The following GTF2I variants were observed in gnomAD, a reference collection of about 807,000 sequenced individuals.
The protein encoded by GTF2I is general transcription factor II-I.
A neutral mutation model predicts 67.6 loss-of-function variants in GTF2I; 12 were observed. That is an observed-to-expected ratio of 0.18 (90% CI 0.11 to 0.29). The LOEUF is 0.29. Ranked by LOEUF, GTF2I falls within the 10% of genes least tolerant of loss-of-function variation. The pLI, the probability that GTF2I is intolerant of heterozygous loss-of-function variation, is 1.00. For missense variants in GTF2I, 271 were observed against 580.1 expected (o/e 0.47, Z 5.47); for synonymous variants, 149 against 197.0 (o/e 0.76, Z 2.04).
intron 8 of GTF2I, among the ~76,000 whole-genome samples, chr7:74,709,503 C>T (rs1366400783): frequency 4.6e-5 from 7 of 151,816 alleles, no homozygotes; most frequent in African/African-American, 1.5e-4. Context: ...GGTAATCATC[C>T]GCCTCAGCCT....
At chr7:74,659,325 T>A (rs965775104) in intron 1 of GTF2I, among the ~76,000 whole-genome samples, 1 of 152,036 alleles carries the variant, frequency 6.6e-6, no homozygotes, top group Non-Finnish European at 1.5e-5. Flanking sequence ...ACACCTGGGC[T>A]CCAGCGATCC....
chr7:74,721,143 G>A (rs1310691430), intron 12 of GTF2I, among the ~76,000 whole-genome samples: 1 of 152,226 alleles, frequency 6.6e-6, no homozygotes, highest in Non-Finnish European at 1.5e-5. Context: ...GCAGGTTCAA[G>A]CGATTCTCCT....
At chr7:74,682,931 A>G (rs1562946828) in intron 1 of GTF2I, among the ~76,000 whole-genome samples, 1 of 152,206 alleles carries the variant, frequency 6.6e-6, no homozygotes. Flanking sequence ...CAGAATAAAA[A>G]GATGAAGAAG....
chr7:74,691,174 G>T, intron 3 of GTF2I, 63 bp downstream of exon 3: 3 of 1,117,634 alleles, frequency 2.7e-6, no homozygotes, highest in South Asian at 1.4e-5. Flanking sequence ...TTGTAGGTAA[G>T]ACAAGTTATA....
intron 12 of GTF2I, among the ~76,000 whole-genome samples, chr7:74,724,479 C>T (rs1413951852): frequency 2.6e-5 from 4 of 152,018 alleles, no homozygotes; most frequent in South Asian, 2.1e-4. Context: ...TAGGTGTATT[C>T]GTTAATATGT....
At chr7:74,705,784 G>A (rs1017651482) in intron 7 of GTF2I, among the ~76,000 whole-genome samples, 2 of 151,944 alleles carry the variant, frequency 1.3e-5, no homozygotes, top group African/African-American at 4.8e-5. Flanking sequence ...GGCTGGTCTC[G>A]AACTCCTGAC....
chr7:74,706,249 T>C (rs1790665904), intron 7 of GTF2I, 141 bp from the exon 8 acceptor site: 1 of 669,248 alleles, frequency 1.5e-6, no homozygotes, highest in East Asian at 2.5e-5. Context: ...TAAATAAATA[T>C]GTCAGTTTTA....
At chr7:74,682,934 TGAA>T (rs1347309284) in intron 1 of GTF2I, among the ~76,000 whole-genome samples, 1 of 151,778 alleles carries the variant, frequency 6.6e-6, no homozygotes, top group Non-Finnish European at 1.5e-5. Flanking sequence ...AATAAAAAGA[TGAA>T]GAAGGAGTTA....
At chr7:74,688,005 A>C (rs782075118) in intron 1 of GTF2I, among the ~76,000 whole-genome samples, 1 of 152,116 alleles carries the variant, frequency 6.6e-6, no homozygotes, top group Non-Finnish European at 1.5e-5. Flanking sequence ...TCAGTTTTAG[A>C]AATTTGCTTT....
In GTF2I at chr7:74,699,017, G is replaced by A; in HGVS notation, c.295G>A (p.Ala99Thr). 6.5e-7 allele frequency: 1 copy of A among 1,542,100 alleles called. No homozygotes were observed. The highest frequency in any genetic ancestry group is 8.8e-7 in the Non-Finnish European group (1 of 1,138,086). The stretch of plus-strand genomic sequence containing the variant: ...GCATAAAATGAAATCTACAACCCAG[G>A]CAAATCGGATGAGTGTAGATGCTGT... Reference protein sequence around the residue: ...EMHKMKSTTQANRMSVDAVEI... With the variant: ...EMHKMKSTTQTNRMSVDAVEI... The change falls in exon 4 of 35, where the codon GCA becomes ACA. Residue 99 changes from alanine (A) to threonine (T), a missense_variant. Physicochemically the swap from Ala to Thr is moderately conservative, Grantham distance 58 (BLOSUM62 0). Coordinates refer to ENST00000573035, the MANE Select transcript of GTF2I (RefSeq NM_032999.4).
At position 74,725,793 on chromosome 7, in the gene GTF2I, C is replaced by T. The variant is rs810365; in HGVS notation, c.944-2993C>T. 1.2e-3 allele frequency among the ~76,000 whole-genome samples: 186 copies of T among 151,350 alleles called. 2 individuals are homozygous for T. Among genetic ancestry groups the T allele is most frequent in the Non-Finnish European group, 1.4e-3 (92 of 67,912 alleles). ...TATCCCTGATATTTTCAATATTTTA[C>T]AGTCTTTGTTGTATTAAAAAAGCAC... On this transcript the variant is annotated intron_variant, in intron 12 of 34. Transcript: ENST00000573035.
chr7:74,664,371 G>A (rs1448971396), intron 1 of GTF2I, among the ~76,000 whole-genome samples: 2 of 152,164 alleles, frequency 1.3e-5, no homozygotes, highest in African/African-American at 4.8e-5. Context: ...AGAAAGTTCA[G>A]TATAGCCAGG....
At chr7:74,731,975 G>A (rs1262033399) in intron 14 of GTF2I, among the ~76,000 whole-genome samples, 1 of 150,750 alleles carries the variant, frequency 6.6e-6, no homozygotes, top group Non-Finnish European at 1.5e-5. Context: ...TCCTGTCTGA[G>A]TCTTAGTATC....
At chr7:74,712,441 T>C (rs1554402763) in intron 9 of GTF2I, among the ~76,000 whole-genome samples, 1 of 151,598 alleles carries the variant, frequency 6.6e-6, no homozygotes, top group East Asian at 1.9e-4. Context: ...CTGAGAATTG[T>C]CCTTCCTGAT....
chr7:74,707,035 C>T (rs781793953), intron 8 of GTF2I, among the ~76,000 whole-genome samples: 6 of 151,896 alleles, frequency 4.0e-5, no homozygotes, highest in Admixed American at 1.3e-4. Flanking sequence ...TTTTTAGTAG[C>T]GACGGGGTTT....
intron 3 of GTF2I, among the ~76,000 whole-genome samples, chr7:74,698,030 G>C (rs1008221207): frequency 6.6e-6 from 1 of 151,752 alleles, no homozygotes; most frequent in Non-Finnish European, 1.5e-5. Context: ...ATTTCCGCTC[G>C]CTGCAAGCTC....
rs58149301 is a variant in GTF2I at position 74,723,428 on chromosome 7, C to CTTTTTT, written c.943+4502_943+4507dup. ...AGGCATAAGCCACCGCTCCCGGCCT[C>CTTTTTT]TTTTTTTTTTTTTTTTTTTTAAGAC... On this transcript the variant is annotated intron_variant, in intron 12 of 34. Transcript: ENST00000573035. Among the ~76,000 whole-genome samples, 10 of 61,070 alleles carry CTTTTTT rather than the reference C, an allele frequency of 1.6e-4. 3 individuals carry two copies. Among genetic ancestry groups the CTTTTTT allele is most frequent in the Non-Finnish European group, 2.1e-4 (8 of 37,740 alleles). The allele number at this position is 61,070 out of a possible 152,430, so 40.1% of individuals were successfully genotyped here. A position where few individuals can be genotyped will look rare whatever the true frequency, so the allele number is the denominator to read the frequency against.
intron 14 of GTF2I, among the ~76,000 whole-genome samples, chr7:74,732,158 T>TATATATATAC (rs1156376066): frequency 6.7e-6 from 1 of 148,380 alleles, no homozygotes; most frequent in African/African-American, 2.5e-5. Flanking sequence ...TATATATATA[T>TATATATATAC]ACATAAACAC....
At chr7:74,692,073 G>C (rs762238367) in intron 3 of GTF2I, among the ~76,000 whole-genome samples, 4 of 148,088 alleles carry the variant, frequency 2.7e-5, no homozygotes, top group African/African-American at 9.9e-5. Context: ...CACCACTCTC[G>C]GCTTTTTTTT....
Sources: gnomAD v4.1 joint callset for allele counts (sites outside exome capture counted in the v4.1 genomes callset) on GRCh38, gnomAD v4.1.1 for gene constraint, MANE v1.5 for transcripts, NCBI Gene and HGNC (gene_info 2026-07-23, HGNC 2026-07-21) for gene names.